RDX: variants seen among roughly 807,000 people sequenced by gnomAD.
RDX encodes radixin.
RDX carries 32 observed loss-of-function variants against 83.7 expected under a neutral mutation model. The ratio of observed to expected loss-of-function variants is 0.38; its 90% CI spans 0.29 to 0.51. RDX has a LOEUF of 0.51. Among genes scored for constraint, RDX ranks in the 20% least tolerant of loss-of-function variants. The pLI, the probability that RDX is intolerant of heterozygous loss-of-function variation, is 0.87. For missense variants in RDX, 600 were observed against 689.9 expected (o/e 0.87, Z 1.46); for synonymous variants, 229 against 222.7 (o/e 1.03, Z -0.25).
chr11:110,266,281 C>T (rs563788800), intron 3 of RDX, among the ~76,000 whole-genome samples: 9 of 151,398 alleles, frequency 5.9e-5, no homozygotes, highest in Non-Finnish European at 1.2e-4. Context: ...TGCAGTGAGC[C>T]GAGATCGTGC....
chr11:110,235,229 A>G (rs1172078691), intron 12 of RDX, among the ~76,000 whole-genome samples: 1 of 152,168 alleles, frequency 6.6e-6, no homozygotes, highest in Non-Finnish European at 1.5e-5. Context: ...AGTCTCGGCT[A>G]CTGCAGAGGC....
chr11:110,265,114 T>TTG (rs1859981224), intron 3 of RDX, among the ~76,000 whole-genome samples: 1 of 143,116 alleles, frequency 7.0e-6, no homozygotes, highest in East Asian at 2.0e-4. Context: ...TTTTTGTTTT[T>TTG]TTTTTTTTTG....
Position 110,217,775 on chromosome 11 carries a change from C to A in RDX, c.1748+14098G>T, listed in dbSNP as rs1591519540. Reference sequence around the variant, plus strand: ...AGGGAGATGGTACTTGTTCCTGAGGCGACTGCTGACAATTACAATAACCTC... The same window carrying A: ...AGGGAGATGGTACTTGTTCCTGAGGAGACTGCTGACAATTACAATAACCTC... On this transcript the variant is annotated intron_variant, in intron 14 of 15. Transcript: ENST00000528498. Among the ~76,000 whole-genome samples, 4 of 152,110 alleles carry A rather than the reference C, an allele frequency of 2.6e-5. No individual in the cohort carries two copies. In the South Asian group the frequency reaches 6.2e-4, roughly 24 times the overall value.
chr11:110,208,669 A>T (rs984752065), intron 14 of RDX, among the ~76,000 whole-genome samples: 20 of 152,210 alleles, frequency 1.3e-4, no homozygotes, highest in African/African-American at 4.8e-4. Context: ...TTATTAATTT[A>T]AAAAAATAGC....
chr11:110,233,420 A>T lies in RDX; in HGVS notation c.1404T>A (p.Ser468=). ...GTGGTGGTGGAGGTGGAGGGGGGGCAGACATCACAGTTTTTAACTCTTCTT... is the reference window on the plus strand; with the variant it reads ...GTGGTGGTGGAGGTGGAGGGGGGGCTGACATCACAGTTTTTAACTCTTCTT... ...KTKEELKTVM[S]APPPPPPPPV... The change falls in exon 13 of 14, where the codon TCT becomes TCA. Residue 468 remains serine, a synonymous_variant. Coordinates refer to ENST00000645495, the MANE Select transcript of RDX (RefSeq NM_002906.4). 1 of 1,614,058 alleles carries T rather than the reference A, an allele frequency of 6.2e-7. No individual in the cohort carries two copies. Among genetic ancestry groups the T allele is most frequent in the Non-Finnish European group, 8.5e-7 (1 of 1,179,994 alleles).
At chr11:110,284,191 T>G (rs1339383353) in intron 1 of RDX, among the ~76,000 whole-genome samples, 1 of 152,222 alleles carries the variant, frequency 6.6e-6, no homozygotes, top group Non-Finnish European at 1.5e-5. Flanking sequence ...AGAGAGAGAA[T>G]ACATAACAAA....
In RDX at chr11:110,230,597, C is replaced by CACACAA. The variant is rs1404819300; in HGVS notation, c.*1271_*1272insTTGTGT. 1 of 152,390 alleles carries CACACAA rather than the reference C, an allele frequency of 6.6e-6. No homozygotes were observed. Among genetic ancestry groups the CACACAA allele is most frequent in the Non-Finnish European group, 1.5e-5 (1 of 68,114 alleles). The allele number at this position is 152,390 out of a possible 1,614,324, so 9.4% of individuals were successfully genotyped here. On this transcript the variant is annotated 3_prime_UTR_variant, in exon 14 of 14. Transcript: ENST00000645495. ...CACAGAGTACACACACACACACACA[C>CACACAA]ACACACACACACAGTCTCTCTCTCA...
At chr11:110,288,452 CACATAAAAATGT>C (rs1861074850) in intron 1 of RDX, 1 of 152,158 alleles carries the variant, frequency 6.6e-6, no homozygotes, top group East Asian at 1.9e-4. Flanking sequence ...ATTAAACATT[CACATAAAAATGT>C]TTAGAAATGG....
chr11:110,179,919 T>TTTTTA, intron 15 of RDX: 3 of 414,466 alleles, frequency 7.2e-6, no homozygotes, highest in Non-Finnish European at 9.4e-6. Flanking sequence ...TTTTTTTTTT[T>TTTTTA]GAGACAGAGT....
At chr11:110,253,729 A>G (rs1447945592) in intron 9 of RDX, among the ~76,000 whole-genome samples, 1 of 152,220 alleles carries the variant, frequency 6.6e-6, no homozygotes, top group East Asian at 1.9e-4. Context: ...AATGAGTCAC[A>G]AAAAGCTATT....
chr11:110,209,171 C>G (rs1008636567), intron 14 of RDX, among the ~76,000 whole-genome samples: 2 of 152,138 alleles, frequency 1.3e-5, no homozygotes, highest in African/African-American at 4.8e-5. Flanking sequence ...CATTGCCTCA[C>G]TTGGGAAGCC....
chr11:110,204,062 C>T (rs1007777591), intron 14 of RDX, among the ~76,000 whole-genome samples: 2 of 151,968 alleles, frequency 1.3e-5, no homozygotes, highest in Non-Finnish European at 2.9e-5. Flanking sequence ...AGAAATGAGA[C>T]ACCACTTATG....
At chr11:110,289,254 A>T (rs1050489302) in intron 1 of RDX, among the ~76,000 whole-genome samples, 1 of 151,712 alleles carries the variant, frequency 6.6e-6, no homozygotes, top group African/African-American at 2.4e-5. Context: ...AAAAAAAAAA[A>T]AAAAAAACTT....
At chr11:110,226,153 CA>C (rs1309513932), downstream of RDX, among the ~76,000 whole-genome samples, 2 of 151,548 alleles carry the variant, frequency 1.3e-5, no homozygotes, top group Non-Finnish European at 2.9e-5. Context: ...GAACTGAAAG[CA>C]GGGACTCTAA....
At chr11:110,177,116 T>C (rs1048737152) in intron 15 of RDX, among the ~76,000 whole-genome samples, 1 of 152,196 alleles carries the variant, frequency 6.6e-6, no homozygotes, top group Admixed American at 6.5e-5. Context: ...TAAAGCAAAA[T>C]GCCTCAGGGC....
intron 15 of RDX, among the ~76,000 whole-genome samples, chr11:110,188,900 T>C (rs1863042708): frequency 6.6e-6 from 1 of 152,006 alleles, no homozygotes; most frequent in Non-Finnish European, 1.5e-5. Flanking sequence ...CAAAACACTC[T>C]TACATACATG....
chr11:110,263,879 A>AAC, intron 5 of RDX, 81 bp downstream of exon 5: 1 of 1,405,996 alleles, frequency 7.1e-7, no homozygotes, highest in Non-Finnish European at 9.8e-7. Flanking sequence ...AAAAAAAAAA[A>AAC]AAAACCTGAA....
intron 15 of RDX, among the ~76,000 whole-genome samples, chr11:110,198,179 A>G (rs1194011035): frequency 6.6e-6 from 1 of 152,120 alleles, no homozygotes; most frequent in Non-Finnish European, 1.5e-5. Flanking sequence ...AGGTTTAGAG[A>G]ACTTTGGGAG....
At chr11:110,177,928 C>T (rs572148056) in intron 15 of RDX, among the ~76,000 whole-genome samples, 60 of 152,214 alleles carry the variant, frequency 3.9e-4, no homozygotes, top group Non-Finnish European at 8.1e-4. Flanking sequence ...CTCCCCGACA[C>T]TCCCCCTCAT....
Sources: allele counts gnomAD v4.1 joint callset (sites outside exome capture counted in the v4.1 genomes callset), GRCh38; gene constraint gnomAD v4.1.1; transcripts MANE v1.5; gene names NCBI Gene and HGNC (gene_info 2026-07-23, HGNC 2026-07-21).